Variants in HYCC2 observed in about 807,000 individuals in gnomAD.
The protein encoded by HYCC2 is hyccin 2.
chr2:200,998,846 G>GT, the HYCC2 span, among the ~76,000 whole-genome samples: 1 of 152,146 alleles, frequency 6.6e-6, no homozygotes, highest in Admixed American at 6.5e-5. Flanking sequence ...TTTTAGCAAT[G>GT]TTTTTTGTAA....
chr2:200,993,275 CT>C, the HYCC2 span, among the ~76,000 whole-genome samples: 1 of 152,222 alleles, frequency 6.6e-6, no homozygotes. Flanking sequence ...CTAATCATCT[CT>C]TTCGCAATCA....
the HYCC2 span, chr2:200,987,616 GT>G: frequency 4.8e-6 from 5 of 1,040,682 alleles, no homozygotes; most frequent in Admixed American, 5.5e-5. Flanking sequence ...ATAAGAGAAT[GT>G]ATATATGGAT....
At chr2:200,988,298 T>C in the HYCC2 span, 1 of 1,613,482 alleles carries the variant, frequency 6.2e-7, no homozygotes, top group Non-Finnish European at 8.5e-7. Context: ...ATTGAAGCTG[T>C]TGTAATTGCA....
the HYCC2 span, among the ~76,000 whole-genome samples, chr2:201,047,117 T>A: frequency 1.9e-3 from 284 of 152,102 alleles, 3 homozygotes; most frequent in African/African-American, 6.5e-3. Flanking sequence ...ACAAAAATAA[T>A]TAAATAAGCA....
the HYCC2 span, among the ~76,000 whole-genome samples, chr2:201,002,827 A>G: frequency 1.3e-5 from 2 of 152,178 alleles, no homozygotes; most frequent in African/African-American, 4.8e-5. Context: ...CCGGCCACAG[A>G]TATTATTTAG....
the HYCC2 span, among the ~76,000 whole-genome samples, chr2:201,010,547 C>T: frequency 1.3e-5 from 2 of 152,126 alleles, 1 homozygote; most frequent in Admixed American, 1.3e-4. Flanking sequence ...TATCAGTGTT[C>T]TCAAATTCTT....
chr2:201,034,746 G>A, the HYCC2 span, among the ~76,000 whole-genome samples: 11 of 151,984 alleles, frequency 7.2e-5, no homozygotes, highest in Admixed American at 3.3e-4. Context: ...GGCTGGTACC[G>A]GTTGTTCCTT....
At chr2:201,069,588 A>G in the HYCC2 span, among the ~76,000 whole-genome samples, 5 of 138,906 alleles carry the variant, frequency 3.6e-5, no homozygotes, top group Admixed American at 2.2e-4. Context: ...ACACACACAC[A>G]CGCATAAAAG....
the HYCC2 span, among the ~76,000 whole-genome samples, chr2:201,001,474 G>A: frequency 6.6e-6 from 1 of 151,938 alleles, no homozygotes; most frequent in African/African-American, 2.4e-5. Flanking sequence ...AATAAAATGT[G>A]GTATATCCAC....
the HYCC2 span, among the ~76,000 whole-genome samples, chr2:200,998,392 G>A: frequency 6.6e-6 from 1 of 152,020 alleles, no homozygotes; most frequent in African/African-American, 2.4e-5. Flanking sequence ...TTTTACCTTA[G>A]CCATAAAGCC....
chr2:201,062,248 G>A, the HYCC2 span, among the ~76,000 whole-genome samples: 2 of 152,150 alleles, frequency 1.3e-5, no homozygotes, highest in Non-Finnish European at 2.9e-5. Flanking sequence ...GCCAGACATG[G>A]TGGCTCCAGC....
chr2:200,997,953 T>C, the HYCC2 span, among the ~76,000 whole-genome samples: 20 of 152,178 alleles, frequency 1.3e-4, no homozygotes, highest in Admixed American at 1.0e-3. Flanking sequence ...GGAGAATTGC[T>C]TGAACCCGGG....
the HYCC2 span, among the ~76,000 whole-genome samples, chr2:201,012,259 A>C: frequency 6.6e-6 from 1 of 152,152 alleles, no homozygotes. Context: ...CAGAAGTTTG[A>C]GACCAGCCTA....
At chr2:200,997,313 C>A in the HYCC2 span, 2 of 624,016 alleles carry the variant, frequency 3.2e-6, no homozygotes, top group African/African-American at 3.7e-5. Context: ...AGGACTCCTA[C>A]AGGAATGCAA....
At chr2:200,988,195 A>G in the HYCC2 span, 1 of 1,417,566 alleles carries the variant, frequency 7.1e-7, no homozygotes. Context: ...ACGTGCTAAG[A>G]CAGTCTGTAA....
the HYCC2 span, among the ~76,000 whole-genome samples, chr2:201,020,596 G>A: frequency 6.6e-6 from 1 of 152,022 alleles, no homozygotes; most frequent in Non-Finnish European, 1.5e-5. Flanking sequence ...AAGAGAGAAG[G>A]AATAATTGCA....
At chr2:201,034,981 T>C in the HYCC2 span, among the ~76,000 whole-genome samples, 1 of 152,250 alleles carries the variant, frequency 6.6e-6, no homozygotes, top group Non-Finnish European at 1.5e-5. Flanking sequence ...GCTGTTAGTC[T>C]GATGGGCTTC....
the HYCC2 span, among the ~76,000 whole-genome samples, chr2:200,982,100 C>T: frequency 1.1e-4 from 16 of 151,846 alleles, no homozygotes; most frequent in Admixed American, 1.1e-3. Context: ...TACAACTATC[C>T]ACAAACATAT....
the HYCC2 span, among the ~76,000 whole-genome samples, chr2:201,033,194 T>A: frequency 0.16 from 20,191 of 123,150 alleles, 2,145 homozygotes; most frequent in African/African-American, 0.31. Context: ...TGTGTGTGTG[T>A]GTGAGAGAGA....
Sources: allele counts gnomAD v4.1 joint callset (sites outside exome capture counted in the v4.1 genomes callset), GRCh38; gene constraint gnomAD v4.1.1; transcripts MANE v1.5; gene names NCBI Gene and HGNC (gene_info 2026-07-23, HGNC 2026-07-21).